NPNT: variants seen among roughly 807,000 people sequenced by gnomAD.
NPNT encodes nephronectin.
A neutral mutation model predicts 68.6 loss-of-function variants in NPNT; 45 were observed. The ratio of observed to expected loss-of-function variants is 0.66; its 90% confidence interval spans 0.52 to 0.84. NPNT has a LOEUF of 0.84. NPNT is among the 40% of genes least tolerant of loss of function. The pLI is 0.00. For missense variants in NPNT, 672 were observed against 714.8 expected, an observed-to-expected ratio of 0.94 and a Z score of 0.68; for synonymous variants, 233 against 253.3, an observed-to-expected ratio of 0.92 and a Z score of 0.76.
intron 10 of NPNT, among the ~76,000 whole-genome samples, chr4:105,964,618 T>A (rs1178260430): frequency 6.6e-6 from 1 of 152,210 alleles, no homozygotes; most frequent in Non-Finnish European, 1.5e-5. Flanking sequence ...TTGCATTTCT[T>A]TTATTGTGAA....
Position 105,897,891 on chromosome 4 carries a change from T to G in NPNT, c.72-10T>G. ...TGTCCTTATTTATTTTGAATCTTTT[T>G]TTTTGGTAGGTGGCCCAGGCAAATA... On this transcript the variant is annotated splice_polypyrimidine_tract_variant and intron_variant, in intron 1 of 11. Coordinates refer to ENST00000379987, the MANE Select transcript of NPNT (RefSeq NM_001033047.3). 6.2e-7 allele frequency: 1 copy of G among 1,601,056 alleles called. No individual in the cohort carries two copies. The highest frequency in any genetic ancestry group is 8.6e-7 in the Non-Finnish European group (1 of 1,168,082).
chr4:105,899,828 C>T (rs750193781), intron 2 of NPNT, among the ~76,000 whole-genome samples: 22 of 152,050 alleles, frequency 1.4e-4, no homozygotes, highest in Admixed American at 3.9e-4. Flanking sequence ...TCTTAGATGG[C>T]GCAAATGTCT....
At chr4:105,966,097 T>G (rs1482446088) in intron 10 of NPNT, among the ~76,000 whole-genome samples, 1 of 152,250 alleles carries the variant, frequency 6.6e-6, no homozygotes, top group Admixed American at 6.5e-5. Flanking sequence ...GATGATAGTT[T>G]ATATCTGTTA....
chr4:105,919,866 T>C (rs1294571743), intron 2 of NPNT, among the ~76,000 whole-genome samples: 1 of 152,028 alleles, frequency 6.6e-6, no homozygotes, highest in Non-Finnish European at 1.5e-5. Flanking sequence ...TCTTTGTAAT[T>C]AGTAAGTAAC....
intron 3 of NPNT, among the ~76,000 whole-genome samples, chr4:105,929,860 G>C (rs1728976030): frequency 6.6e-6 from 1 of 151,924 alleles, no homozygotes; most frequent in Non-Finnish European, 1.5e-5. Context: ...TCACTGGGTA[G>C]CTCCTATTTT....
intron 2 of NPNT, 183 bp downstream of exon 2, chr4:105,898,184 G>T: frequency 2.4e-6 from 1 of 421,734 alleles, no homozygotes; most frequent in Non-Finnish European, 4.2e-6. Flanking sequence ...TTAGCCACCT[G>T]TATTACGGCC....
intron 8 of NPNT, among the ~76,000 whole-genome samples, chr4:105,947,056 G>T (rs1372553122): frequency 6.6e-6 from 1 of 152,050 alleles, no homozygotes; most frequent in Non-Finnish European, 1.5e-5. Flanking sequence ...CTTTCCCAGG[G>T]TATTAATTAT....
At chr4:105,915,527 A>G (rs1260149322) in intron 2 of NPNT, among the ~76,000 whole-genome samples, 1 of 152,162 alleles carries the variant, frequency 6.6e-6, no homozygotes. Context: ...TGAGGATCAA[A>G]TGAGGAAACC....
At chr4:105,954,546 A>G (rs1731070117) in intron 8 of NPNT, among the ~76,000 whole-genome samples, 1 of 152,162 alleles carries the variant, frequency 6.6e-6, no homozygotes. Context: ...AGAGGCCGCC[A>G]GTTTCCACCA....
At chr4:105,910,413 A>C (rs950891061) in intron 2 of NPNT, among the ~76,000 whole-genome samples, 1 of 152,150 alleles carries the variant, frequency 6.6e-6, no homozygotes, top group Non-Finnish European at 1.5e-5. Flanking sequence ...AGAGCAACAG[A>C]TTATCAAGAG....
At chr4:105,916,003 A>G (rs1234383222) in intron 2 of NPNT, among the ~76,000 whole-genome samples, 1 of 152,108 alleles carries the variant, frequency 6.6e-6, no homozygotes, top group South Asian at 2.1e-4. Context: ...TAAGTTCTTG[A>G]AAAAAAATCT....
At position 105,905,854 on chromosome 4, in the gene NPNT, T is replaced by C. The variant is rs1726846996; in HGVS notation, c.172+7853T>C. 2.0e-5 allele frequency among the ~76,000 whole-genome samples: 3 copies of C among 152,228 alleles called. No homozygotes were observed. In the South Asian group the frequency reaches 6.2e-4, roughly 31 times the overall value. ...GCTACAAATTTTCTTATGTTTAATC[T>C]GTAATGTAAAGGAGAGTAAATCATG... On this transcript the variant is annotated intron_variant, in intron 2 of 11. Coordinates refer to ENST00000379987, the MANE Select transcript of NPNT (RefSeq NM_001033047.3).
Position 105,942,446 on chromosome 4 carries a change from T to C in NPNT, c.903T>C (p.Tyr301=). Residue 301 remains tyrosine, a synonymous_variant, in exon 8 of 12, where the codon TAT becomes TAC. Coordinates refer to ENST00000379987, the MANE Select transcript of NPNT (RefSeq NM_001033047.3). ...CTTGGTGGCCTCCGAAGACACCATATATTCCTCCTATCATTACCAACAGGC... is the reference window on the plus strand; with the variant it reads ...CTTGGTGGCCTCCGAAGACACCATACATTCCTCCTATCATTACCAACAGGC... ...GSTWWPPKTP[Y]IPPIITNRPT... 1 of 1,613,946 alleles carries C rather than the reference T, an allele frequency of 6.2e-7. No homozygotes were observed. The highest frequency in any genetic ancestry group is 8.5e-7 in the Non-Finnish European group (1 of 1,179,950).
intron 3 of NPNT, among the ~76,000 whole-genome samples, chr4:105,935,797 T>C (rs891512689): frequency 1.3e-5 from 2 of 152,180 alleles, no homozygotes; most frequent in African/African-American, 4.8e-5. Context: ...GATGTAATAA[T>C]TATTTGGTGG....
chr4:105,913,362 G>C (rs1050275072), intron 2 of NPNT, among the ~76,000 whole-genome samples: 1 of 152,190 alleles, frequency 6.6e-6, no homozygotes, highest in Non-Finnish European at 1.5e-5. Context: ...TTGACTAGTA[G>C]AGCTATGGCT....
chr4:105,950,795 G>A (rs1210171590), intron 8 of NPNT, among the ~76,000 whole-genome samples: 2 of 152,038 alleles, frequency 1.3e-5, no homozygotes, highest in Admixed American at 6.6e-5. Flanking sequence ...GCAACACATG[G>A]TTATTTTAAT....
intron 2 of NPNT, among the ~76,000 whole-genome samples, chr4:105,914,931 A>G (rs933496804): frequency 6.6e-6 from 1 of 152,320 alleles, no homozygotes; most frequent in African/African-American, 2.4e-5. Flanking sequence ...TTGATATCAT[A>G]TTAAATACAT....
intron 2 of NPNT, 104 bp downstream of exon 2, chr4:105,898,105 T>A: frequency 2.6e-6 from 2 of 759,136 alleles, no homozygotes; most frequent in Non-Finnish European, 4.3e-6. Flanking sequence ...GAGCAAGGCT[T>A]GGCCTTGCAG....
intron 8 of NPNT, among the ~76,000 whole-genome samples, chr4:105,953,401 G>A (rs1326663721): frequency 1.3e-5 from 2 of 152,164 alleles, no homozygotes; most frequent in Non-Finnish European, 2.9e-5. Flanking sequence ...CCTATGGGAT[G>A]AAAGCTTTGA....
Sources: allele counts gnomAD v4.1 joint callset (sites outside exome capture counted in the v4.1 genomes callset), GRCh38; gene constraint gnomAD v4.1.1; transcripts MANE v1.5; gene names NCBI Gene and HGNC (gene_info 2026-07-23, HGNC 2026-07-21).